The following EPM2A variants were observed in gnomAD, a reference collection of about 807,000 sequenced individuals.
EPM2A encodes the protein EPM2A glucan phosphatase, laforin.
Under a neutral mutation model 26.5 loss-of-function variants are expected in EPM2A, and 21 were observed. The ratio of observed to expected loss-of-function variants is 0.79; its 90% confidence interval spans 0.56 to 1.14. The LOEUF is 1.14. Among genes scored for constraint, EPM2A ranks in the 50% most tolerant of loss-of-function variants. The probability of loss-of-function intolerance (pLI) is 0.00; values close to 1 mark genes in which losing one functional copy is unlikely to be tolerated. For synonymous variants in EPM2A, 217 were observed against 177.6 expected (o/e 1.22, Z -1.76); for missense variants, 458 against 440.8 (o/e 1.04, Z -0.35).
chr6:145,597,767 CTTT>C (rs999755661), intron 2 of EPM2A, among the ~76,000 whole-genome samples: 3 of 152,108 alleles, frequency 2.0e-5, no homozygotes, highest in Non-Finnish European at 4.4e-5. Context: ...TTGTTCCCTT[CTTT>C]GTGTTCCTGA....
At chr6:145,405,579 T>C (rs1778556577) in intron 4 of EPM2A, among the ~76,000 whole-genome samples, 1 of 152,172 alleles carries the variant, frequency 6.6e-6, no homozygotes, top group African/African-American at 2.4e-5. Context: ...ACTCTCCTTT[T>C]CTAAATTTTA....
intron 3 of EPM2A, among the ~76,000 whole-genome samples, chr6:145,632,690 C>T (rs1384599199): frequency 6.6e-6 from 1 of 152,284 alleles, no homozygotes; most frequent in East Asian, 1.9e-4. Context: ...CAACTGAGAG[C>T]ATTATGCTGC....
intron 4 of EPM2A, among the ~76,000 whole-genome samples, chr6:145,390,057 A>G (rs1778316777): frequency 6.6e-6 from 1 of 152,232 alleles, no homozygotes; most frequent in Non-Finnish European, 1.5e-5. Context: ...AGAGAGCAAG[A>G]AGGAGAGATA....
chr6:145,520,802 G>T (rs1434314262), intron 2 of EPM2A, among the ~76,000 whole-genome samples: 1 of 152,188 alleles, frequency 6.6e-6, no homozygotes, highest in Non-Finnish European at 1.5e-5. Context: ...GGAGGATTGG[G>T]ATGGCTAAGG....
intron 1 of EPM2A, among the ~76,000 whole-genome samples, chr6:145,720,007 T>G (rs1040961925): frequency 1.4e-4 from 21 of 152,172 alleles, no homozygotes; most frequent in Admixed American, 5.2e-4. Flanking sequence ...GTTTTTAGTG[T>G]TTTTTTATGT....
chr6:145,721,651 C>T (rs570286176), intron 1 of EPM2A: 1 of 152,334 alleles, frequency 6.6e-6, no homozygotes, highest in South Asian at 2.1e-4. Flanking sequence ...ATTCTCACAT[C>T]TCAAACACAT....
At chr6:145,601,937 A>C (rs752114104) in intron 2 of EPM2A, among the ~76,000 whole-genome samples, 1 of 152,206 alleles carries the variant, frequency 6.6e-6, no homozygotes, top group East Asian at 1.9e-4. Flanking sequence ...TTAAAATGAG[A>C]AAAGGAATTA....
In EPM2A at chr6:145,535,464, T is replaced by C. The variant is rs148188325; in HGVS notation, c.341-32889A>G. On this transcript the variant is annotated intron_variant, in intron 2 of 3. Transcript: ENST00000450221. ...TGGGATCTGATTGTAGGTATTTTTTTAAAGCTCTCCCAGAGGTTCTGATGA... is the reference window on the plus strand; with the variant it reads ...TGGGATCTGATTGTAGGTATTTTTTCAAAGCTCTCCCAGAGGTTCTGATGA... Among the ~76,000 whole-genome samples, 16 of 152,286 alleles carry C rather than the reference T, an allele frequency of 1.1e-4. No individual in the cohort carries two copies. The East Asian group carries it at 3.1e-3, about 29-fold the overall frequency.
At chr6:145,588,640 A>G (rs1215052549) in intron 2 of EPM2A, among the ~76,000 whole-genome samples, 5 of 152,208 alleles carry the variant, frequency 3.3e-5, no homozygotes, top group Non-Finnish European at 7.3e-5. Context: ...CATTTTGTCA[A>G]TATAAAATCA....
At chr6:145,526,397 T>A (rs1282968864) in intron 2 of EPM2A, among the ~76,000 whole-genome samples, 1 of 152,104 alleles carries the variant, frequency 6.6e-6, no homozygotes, top group Non-Finnish European at 1.5e-5. Flanking sequence ...AGAATTCAGT[T>A]GTGAATCCAT....
chr6:145,711,693 A>G (rs937584686), intron 1 of EPM2A, among the ~76,000 whole-genome samples: 1 of 152,218 alleles, frequency 6.6e-6, no homozygotes, highest in African/African-American at 2.4e-5. Context: ...AAGGATAAAT[A>G]TACCTAACAG....
downstream of EPM2A, among the ~76,000 whole-genome samples, chr6:145,497,011 T>C (rs62439604): frequency 0.039 from 5,879 of 152,322 alleles, 176 homozygotes; most frequent in Admixed American, 0.099. Context: ...TGTGCTCCTT[T>C]AGCTCAGTGA....
intron 4 of EPM2A, among the ~76,000 whole-genome samples, chr6:145,472,349 A>G (rs1779485554): frequency 6.6e-6 from 1 of 151,816 alleles, no homozygotes; most frequent in Non-Finnish European, 1.5e-5. Context: ...TGTGGTGGCT[A>G]TGGGGCAAAA....
chr6:145,385,196 A>G lies in EPM2A; in HGVS notation c.556-1099T>C, dbSNP rs776323788. 6.1e-5 allele frequency among the ~76,000 whole-genome samples: 9 copies of G among 147,360 alleles called. 1 individual carries two copies. The highest frequency in any genetic ancestry group is 2.1e-4 in the Admixed American group (3 of 14,484). ...TGGAGACCTATGGGAGCTGGTGTACATCTTTGAGAACAAATAATGCCCTTT... is the reference window on the plus strand; with the variant it reads ...TGGAGACCTATGGGAGCTGGTGTACGTCTTTGAGAACAAATAATGCCCTTT... On this transcript the variant is annotated intron_variant, in intron 4 of 4. Coordinates refer to the EPM2A transcript ENST00000638717.
At chr6:145,647,628 TAAC>T (rs1226048645) in intron 2 of EPM2A, among the ~76,000 whole-genome samples, 6 of 151,896 alleles carry the variant, frequency 4.0e-5, no homozygotes, top group Non-Finnish European at 1.5e-5. Context: ...CCACGGCACT[TAAC>T]ATTGCATCCA....
intron 4 of EPM2A, chr6:145,491,173 G>A (rs551700935): frequency 4.3e-4 from 216 of 499,314 alleles, no homozygotes; most frequent in Non-Finnish European, 6.8e-4. Context: ...GACTTCAAGG[G>A]CTTTCATAAT....
chr6:145,466,894 CA>C (rs1202250326), intron 4 of EPM2A, among the ~76,000 whole-genome samples: 6 of 152,036 alleles, frequency 3.9e-5, no homozygotes, highest in Non-Finnish European at 8.8e-5. Context: ...ATCGCAAGAA[CA>C]AAAAACCAAA....
At chr6:145,502,836 A>G (rs767472731) in intron 2 of EPM2A, among the ~76,000 whole-genome samples, 11 of 152,228 alleles carry the variant, frequency 7.2e-5, no homozygotes, top group Non-Finnish European at 1.6e-4. Context: ...ATATTTTGGA[A>G]TCTTAAGGCT....
At chr6:145,508,042 G>C (rs1050858553) in intron 2 of EPM2A, among the ~76,000 whole-genome samples, 7 of 152,194 alleles carry the variant, frequency 4.6e-5, no homozygotes, top group African/African-American at 1.7e-4. Flanking sequence ...TGCATAGCCT[G>C]CCAAAGCCCC....
Sources: gnomAD v4.1 joint callset for allele counts (sites outside exome capture counted in the v4.1 genomes callset) on GRCh38, gnomAD v4.1.1 for gene constraint, MANE v1.5 for transcripts, NCBI Gene and HGNC (gene_info 2026-07-23, HGNC 2026-07-21) for gene names.